DTNA: variants seen among roughly 807,000 people sequenced by gnomAD.
DTNA encodes the protein dystrobrevin alpha, also known as dystrophin-related protein 3.
A neutral mutation model predicts 100.7 loss-of-function variants in DTNA; 43 were observed. That is an observed-to-expected ratio of 0.43 (90% CI 0.33 to 0.55). The LOEUF is 0.55. Ranked by LOEUF, DTNA falls within the 20% of genes least tolerant of loss-of-function variation. DTNA has a pLI of 0.04. For missense variants in DTNA, 798 were observed against 953.9 expected (o/e 0.84, Z 2.15); for synonymous variants, 349 against 347.9 (o/e 1.00, Z -0.04).
intron 2 of DTNA, among the ~76,000 whole-genome samples, chr18:34,759,629 T>G (rs902594603): frequency 6.6e-6 from 1 of 152,204 alleles, no homozygotes; most frequent in Admixed American, 6.5e-5. Context: ...AGACAGGACT[T>G]GAAATCAAAA....
intron 5 of DTNA, among the ~76,000 whole-genome samples, chr18:34,811,324 C>A (rs1053738065): frequency 6.6e-6 from 1 of 152,160 alleles, no homozygotes; most frequent in Non-Finnish European, 1.5e-5. Context: ...CAAGACCAGG[C>A]TTCCTCTTCA....
Position 34,890,562 on chromosome 18 carries a change from T to G in DTNA, c.*2828T>G. ...ATCTCCATCAGAGCTGATAGCCTGT[T>G]AATAAGCACTGGTCTAACACAGCCA... On this transcript the variant is annotated 3_prime_UTR_variant, in exon 23 of 23. Coordinates refer to ENST00000444659, the MANE Select transcript of DTNA (RefSeq NM_001386795.1). 7.0e-7 allele frequency: 1 copy of G among 1,423,160 alleles called. No individual in the cohort carries two copies. Among genetic ancestry groups the G allele is most frequent in the Admixed American group, 2.1e-5 (1 of 47,050 alleles). 88.2% of individuals were successfully genotyped at this position (1,423,160 alleles called of 1,614,324 possible).
At chr18:34,727,614 G>A (rs1393343166) in intron 1 of DTNA, among the ~76,000 whole-genome samples, 2 of 152,008 alleles carry the variant, frequency 1.3e-5, no homozygotes, top group Non-Finnish European at 2.9e-5. Flanking sequence ...ACCCAGGCTG[G>A]AGTCCAGTGC....
At chr18:34,513,404 A>G (rs1190606601) in intron 1 of DTNA, 1 of 152,164 alleles carries the variant, frequency 6.6e-6, no homozygotes, top group East Asian at 1.9e-4. Context: ...TCAAATACAA[A>G]AGTAATGTTT....
chr18:34,511,144 G>A (rs2144907585), intron 1 of DTNA, among the ~76,000 whole-genome samples: 1 of 152,134 alleles, frequency 6.6e-6, no homozygotes, highest in East Asian at 1.9e-4. Context: ...TTGTTACTAG[G>A]ATCAGCATGA....
chr18:34,776,798 G>C (rs1444353971), intron 3 of DTNA, among the ~76,000 whole-genome samples: 1 of 152,162 alleles, frequency 6.6e-6, no homozygotes, highest in African/African-American at 2.4e-5. Context: ...GGCTCCACTG[G>C]ATCAAGTCTT....
chr18:34,620,623 A>G (rs935682305), intron 1 of DTNA, among the ~76,000 whole-genome samples: 3 of 152,152 alleles, frequency 2.0e-5, no homozygotes, highest in African/African-American at 7.2e-5. Flanking sequence ...GAAACTTACT[A>G]TTATGTTAGA....
At chr18:34,845,368 G>C (rs1327767513) in intron 13 of DTNA, among the ~76,000 whole-genome samples, 1 of 152,088 alleles carries the variant, frequency 6.6e-6, no homozygotes, top group Non-Finnish European at 1.5e-5. Flanking sequence ...TACATTTCCA[G>C]GAGGCTTTTT....
chr18:34,832,435 C>T (rs1450085383), intron 11 of DTNA, among the ~76,000 whole-genome samples: 9 of 152,156 alleles, frequency 5.9e-5, no homozygotes, highest in Admixed American at 3.9e-4. Context: ...ACCACAGTCA[C>T]CTCTCTTGTT....
intron 1 of DTNA, among the ~76,000 whole-genome samples, chr18:34,640,498 C>T (rs989495200): frequency 6.6e-6 from 1 of 152,218 alleles, no homozygotes; most frequent in African/African-American, 2.4e-5. Flanking sequence ...ATGCCCATGG[C>T]AAGGACCTCC....
At chr18:34,505,190 A>G (rs1031205405) in intron 1 of DTNA, among the ~76,000 whole-genome samples, 1 of 152,174 alleles carries the variant, frequency 6.6e-6, no homozygotes, top group African/African-American at 2.4e-5. Context: ...TTTAGCTTCT[A>G]GAGGCACCTG....
intron 1 of DTNA, among the ~76,000 whole-genome samples, chr18:34,626,881 G>T (rs1374507642): frequency 1.3e-5 from 2 of 152,168 alleles, no homozygotes; most frequent in African/African-American, 4.8e-5. Context: ...GGAAACATTT[G>T]TCTGTAGCTG....
chr18:34,786,939 C>G (rs1602007130), intron 3 of DTNA, among the ~76,000 whole-genome samples: 1 of 152,260 alleles, frequency 6.6e-6, no homozygotes, highest in East Asian at 1.9e-4. Context: ...GGACTGAGAA[C>G]TACTGACTTC....
chr18:34,763,386 T>G (rs1333650556), intron 2 of DTNA, among the ~76,000 whole-genome samples: 1 of 152,206 alleles, frequency 6.6e-6, no homozygotes, highest in East Asian at 1.9e-4. Context: ...CTTAAGAATT[T>G]TAAAAGATTC....
chr18:34,589,530 AC>A, intron 1 of DTNA, among the ~76,000 whole-genome samples: 1 of 152,074 alleles, frequency 6.6e-6, no homozygotes, highest in Non-Finnish European at 1.5e-5. Context: ...AATGGCATGA[AC>A]CCACAAGGCA....
chr18:34,643,037 C>G (rs1257087707), intron 1 of DTNA, among the ~76,000 whole-genome samples: 5 of 152,208 alleles, frequency 3.3e-5, no homozygotes, highest in Non-Finnish European at 5.9e-5. Flanking sequence ...CTGCAAACAT[C>G]TCTGAGTATT....
At chr18:34,798,813 G>T (rs1041178013) in intron 4 of DTNA, among the ~76,000 whole-genome samples, 2 of 151,998 alleles carry the variant, frequency 1.3e-5, no homozygotes, top group African/African-American at 4.8e-5. Flanking sequence ...TACTGACTTG[G>T]CCCTATATTA....
At chr18:34,498,477 TAA>T (rs1568539569) in intron 1 of DTNA, among the ~76,000 whole-genome samples, 3 of 142,658 alleles carry the variant, frequency 2.1e-5, no homozygotes, top group Non-Finnish European at 3.1e-5. Context: ...ATAATAATAA[TAA>T]TAATTTAATC....
chr18:34,788,909 T>G (rs1041964878), intron 3 of DTNA, among the ~76,000 whole-genome samples: 1 of 152,216 alleles, frequency 6.6e-6, no homozygotes, highest in Non-Finnish European at 1.5e-5. Flanking sequence ...GTGTATTTAG[T>G]TATTTTATCA....
Sources: gnomAD v4.1 joint callset for allele counts (sites outside exome capture counted in the v4.1 genomes callset) on GRCh38, gnomAD v4.1.1 for gene constraint, MANE v1.5 for transcripts, NCBI Gene and HGNC (gene_info 2026-07-23, HGNC 2026-07-21) for gene names.